MYO1E: variants seen among roughly 807,000 people sequenced by gnomAD.
The protein encoded by MYO1E is unconventional myosin-Ie.
Under a neutral mutation model 151.1 loss-of-function variants are expected in MYO1E, and 68 were observed. The observed-to-expected ratio is 0.45, with a 90% CI of 0.37 to 0.55. The LOEUF (loss-of-function observed/expected upper bound fraction) is 0.55, where lower values mean the gene tolerates loss of function less well. Among genes scored for constraint, MYO1E ranks in the 20% least tolerant of loss-of-function variants. The pLI, the probability that MYO1E is intolerant of heterozygous loss-of-function variation, is 0.00. For synonymous variants in MYO1E, 601 were observed against 501.7 expected, an observed-to-expected ratio of 1.20 and a Z score of -2.64; for missense variants, 1,363 against 1,389.3, an observed-to-expected ratio of 0.98 and a Z score of 0.30.
chr15:59,238,708 A>C (rs2080081225), intron 4 of MYO1E, among the ~76,000 whole-genome samples: 1 of 151,906 alleles, frequency 6.6e-6, no homozygotes, highest in South Asian at 2.1e-4. Flanking sequence ...AGTATCTGGG[A>C]TTACAGGTGT....
At chr15:59,182,816 C>T (rs890048077) in intron 18 of MYO1E, among the ~76,000 whole-genome samples, 2 of 152,198 alleles carry the variant, frequency 1.3e-5, no homozygotes, top group Non-Finnish European at 2.9e-5. Context: ...GCACGTATCA[C>T]AGGGTCCCTT....
At chr15:59,261,773 T>C (rs2080225654) in intron 2 of MYO1E, among the ~76,000 whole-genome samples, 1 of 152,152 alleles carries the variant, frequency 6.6e-6, no homozygotes, top group Non-Finnish European at 1.5e-5. Flanking sequence ...TCTTTCAAGA[T>C]GGGTGACACG....
At chr15:59,309,620 A>G (rs1356199396) in intron 1 of MYO1E, among the ~76,000 whole-genome samples, 4 of 152,202 alleles carry the variant, frequency 2.6e-5, no homozygotes, top group African/African-American at 4.8e-5. Flanking sequence ...AAGTCCACTC[A>G]GTATGGCAGT....
intron 1 of MYO1E, among the ~76,000 whole-genome samples, chr15:59,293,848 G>A (rs1446434828): frequency 6.6e-6 from 1 of 152,092 alleles, no homozygotes; most frequent in African/African-American, 2.4e-5. Context: ...TTTGAGACTA[G>A]CCTGGGAAAC....
Position 59,277,564 on chromosome 15 carries a change from A to AAAAAAAAAAAAAAC in MYO1E, c.4-5116_4-5115insGTTTTTTTTTTTTT, listed in dbSNP as rs1555416379. Among the ~76,000 whole-genome samples, 194 of 139,758 alleles carry AAAAAAAAAAAAAAC rather than the reference A, an allele frequency of 1.4e-3. 3 individuals are homozygous for AAAAAAAAAAAAAAC. The highest frequency in any genetic ancestry group is 5.1e-3 in the African/African-American group (182 of 36,022). 91.7% of individuals were successfully genotyped at this position (139,758 alleles called of 152,430 possible). A position where few individuals can be genotyped will look rare whatever the true frequency, so the allele number is the denominator to read the frequency against. ...ATCCCCCCACAAAAAAAAAAAAAAA[A>AAAAAAAAAAAAAAC]AAAAAAAAACATCAAAGCCTCATCC... On this transcript the variant is annotated intron_variant, in intron 1 of 27. Coordinates refer to ENST00000288235, the MANE Select transcript of MYO1E (RefSeq NM_004998.4).
At chr15:59,300,840 A>G (rs1443867360) in intron 1 of MYO1E, among the ~76,000 whole-genome samples, 3 of 148,878 alleles carry the variant, frequency 2.0e-5, no homozygotes, top group African/African-American at 4.9e-5. Context: ...AGCTTATTGT[A>G]TATCTTTCTT....
chr15:59,174,960 C>A lies in MYO1E; in HGVS notation c.2050-720G>T, dbSNP rs1245763684. ...ATGAATGCTGACAGCTGCGCCTCAACCAGGCCTTGGAATGATAAAGGTGAC... is the reference window on the plus strand; with the variant it reads ...ATGAATGCTGACAGCTGCGCCTCAAACAGGCCTTGGAATGATAAAGGTGAC... On this transcript the variant is annotated intron_variant, in intron 19 of 27. Transcript: ENST00000288235. Among the ~76,000 whole-genome samples the A allele has an allele frequency of 2.6e-5, 4 of 152,150 alleles. No homozygotes were observed. In the East Asian group the frequency reaches 7.7e-4, roughly 29 times the overall value.
At chr15:59,349,526 A>T (rs902933425) in intron 1 of MYO1E, among the ~76,000 whole-genome samples, 4 of 152,188 alleles carry the variant, frequency 2.6e-5, no homozygotes, top group Admixed American at 1.3e-4. Context: ...GTTAGGGAGG[A>T]GGATGATGAG....
rs2140334039 is a variant in MYO1E, at chr15:59,202,219, C to T, written c.1698+107G>A. On this transcript the variant is annotated intron_variant, in intron 16 of 27. Transcript: ENST00000288235. ...TACTTCTGGGCATCTTCTGTAACCACCTCCTCACGTCTCACTGACCTCATC... is the reference window on the plus strand; with the variant it reads ...TACTTCTGGGCATCTTCTGTAACCATCTCCTCACGTCTCACTGACCTCATC... The T allele has an allele frequency of 5.4e-6, 5 of 933,484 alleles. No individual in the cohort carries two copies. In the East Asian group the frequency reaches 9.7e-5, roughly 18 times the overall value. 57.8% of individuals were successfully genotyped at this position (933,484 alleles called of 1,614,324 possible). A position where few individuals can be genotyped will look rare whatever the true frequency, so the allele number is the denominator to read the frequency against.
At position 59,163,272 on chromosome 15, in the gene MYO1E, C is replaced by T. The variant is rs770130521; in HGVS notation, c.2512G>A (p.Glu838Lys). The T allele has an allele frequency of 6.2e-7, 1 of 1,613,786 alleles. No homozygotes were observed. The highest frequency in any genetic ancestry group is 8.5e-7 in the Non-Finnish European group (1 of 1,179,736). The part of the protein sequence containing the change: ...TMQDDIFILH[E>K]QEYDSLLESV... ...TCAAGCAAACTGTCATACTCTTGCT[C>T]ATGGAGAATAAAAATGTCATCCTGC... is the stretch of plus-strand genomic sequence containing the variant. The change falls in exon 23 of 28, where the codon GAG (glutamate) becomes AAG (lysine). Residue 838 changes from glutamate to lysine, a missense_variant. Glu to Lys is a moderately conservative substitution (Grantham distance 56). Transcript: ENST00000288235.
intron 19 of MYO1E, 84 bp from the exon 20 acceptor site, chr15:59,174,324 TCA>T: frequency 2.0e-6 from 2 of 977,350 alleles, no homozygotes; most frequent in Non-Finnish European, 3.3e-6. Flanking sequence ...CCAGGGACCC[TCA>T]GTTTAGACAA....
Position 59,178,484 on chromosome 15 carries a change from T to G in MYO1E, c.1958A>C (p.Gln653Pro). 2 of 1,614,202 alleles carry G rather than the reference T, an allele frequency of 1.2e-6. No homozygotes were observed. The highest frequency in any genetic ancestry group is 1.7e-6 in the Non-Finnish European group (2 of 1,180,022). The change falls in exon 19 of 28, where the codon CAA (glutamine) becomes CCA (proline). Residue 653 changes from glutamine to proline, a missense_variant. Transcript: ENST00000288235. ...CGACTGCAGCAGGTGCAGGACGCCTTGCTTCTCCTCTCCCTGCCAAGAAGG... is the reference window on the plus strand; with the variant it reads ...CGACTGCAGCAGGTGCAGGACGCCTGGCTTCTCCTCTCCCTGCCAAGAAGG... ...TWPSWQGEEK[Q>P]GVLHLLQSVN...
At chr15:59,291,476 A>C (rs1273071576) in intron 1 of MYO1E, among the ~76,000 whole-genome samples, 1 of 139,956 alleles carries the variant, frequency 7.1e-6, no homozygotes, top group Non-Finnish European at 1.5e-5. Context: ...CTTTGCACTA[A>C]AACAAACAAA....
At chr15:59,345,846 T>C (rs2140431830) in intron 1 of MYO1E, among the ~76,000 whole-genome samples, 1 of 152,324 alleles carries the variant, frequency 6.6e-6, no homozygotes, top group South Asian at 2.1e-4. Flanking sequence ...TTACTGTTAC[T>C]TTCCTCTGCT....
chr15:59,300,857 CTTTTT>C (rs757041312), intron 1 of MYO1E, among the ~76,000 whole-genome samples: 10 of 143,944 alleles, frequency 6.9e-5, no homozygotes, highest in Non-Finnish European at 1.2e-4. Context: ...TCTTTTTTTC[CTTTTT>C]TTTCTTTTTT....
intron 1 of MYO1E, among the ~76,000 whole-genome samples, chr15:59,326,301 C>T (rs986011270): frequency 6.6e-6 from 1 of 151,934 alleles, no homozygotes; most frequent in African/African-American, 2.4e-5. Flanking sequence ...AGGCAGAAGA[C>T]GAGGTCAGGA....
chr15:59,248,615 G>C (rs2080145395), intron 4 of MYO1E, among the ~76,000 whole-genome samples: 1 of 151,806 alleles, frequency 6.6e-6, no homozygotes, highest in Non-Finnish European at 1.5e-5. Flanking sequence ...TTCCTTACTA[G>C]AAGTTGGCCT....
At chr15:59,259,626 T>C (rs1467952158) in intron 3 of MYO1E, among the ~76,000 whole-genome samples, 1 of 152,172 alleles carries the variant, frequency 6.6e-6, no homozygotes, top group South Asian at 2.1e-4. Flanking sequence ...AGATGGAAAA[T>C]GGAAGGAAAT....
intron 4 of MYO1E, among the ~76,000 whole-genome samples, chr15:59,253,577 G>A (rs533361261): frequency 7.3e-5 from 11 of 151,716 alleles, no homozygotes; most frequent in African/African-American, 2.7e-4. Flanking sequence ...TGCTTCCTGG[G>A]TTCAAGCGAT....
Sources: gnomAD v4.1 joint callset for allele counts (sites outside exome capture counted in the v4.1 genomes callset) on GRCh38, gnomAD v4.1.1 for gene constraint, MANE v1.5 for transcripts, NCBI Gene and HGNC (gene_info 2026-07-23, HGNC 2026-07-21) for gene names.